The following OTOP3 variants were observed in gnomAD, a reference collection of about 807,000 sequenced individuals.
The protein encoded by OTOP3 is proton channel OTOP3.
Under a neutral mutation model 50.8 loss-of-function variants are expected in OTOP3, and 41 were observed. That is an observed-to-expected ratio of 0.81 (90% CI 0.63 to 1.05). The LOEUF (loss-of-function observed/expected upper bound fraction) is 1.05, where lower values mean the gene tolerates loss of function less well. OTOP3 is among the 50% of genes least tolerant of loss of function. OTOP3 has a pLI of 0.00. For synonymous variants in OTOP3, 320 were observed against 324.4 expected, an observed-to-expected ratio of 0.99 and a Z score of 0.14; for missense variants, 788 against 760.8, an observed-to-expected ratio of 1.04 and a Z score of -0.42.
At chr17:74,946,397 G>A (rs990104286) in intron 5 of OTOP3, among the ~76,000 whole-genome samples, 2 of 152,244 alleles carry the variant, frequency 1.3e-5, no homozygotes, top group Non-Finnish European at 1.5e-5. Flanking sequence ...ACAGGCATGA[G>A]CCACTGCGCC....
chr17:74,945,061 C>T (rs1055771342), intron 5 of OTOP3, among the ~76,000 whole-genome samples: 2 of 152,114 alleles, frequency 1.3e-5, no homozygotes, highest in Non-Finnish European at 2.9e-5. Flanking sequence ...GATCCTCCCA[C>T]CTCAGCCTCC....
Position 74,946,924 on chromosome 17 carries a change from C to T in OTOP3, c.1015C>T (p.Leu339Phe). 6 of 1,612,610 alleles carry T rather than the reference C, an allele frequency of 3.7e-6. No individual in the cohort carries two copies. The highest frequency in any genetic ancestry group is 4.2e-6 in the Non-Finnish European group (5 of 1,179,950). Residue 339 changes from leucine to phenylalanine, a missense_variant, in exon 6 of 7, where the codon CTC becomes TTC. Physicochemically the swap from Leu to Phe is conservative, Grantham distance 22 (BLOSUM62 0). Coordinates refer to ENST00000328801, the MANE Select transcript of OTOP3 (RefSeq NM_001272005.2). ...GCTGGCAGGTGTGTGCGTCTTTGTG[C>T]TCTTCCAAATCGAGGCCAGTGGCCC... ...VLLAGVCVFV[L>F]FQIEASGPAI... is the part of the protein sequence containing the mutation.
rs62086321 is a variant in OTOP3, at chr17:74,942,013, C to G, written c.549C>G (p.Ile183Met). 356 of 1,612,322 alleles carry G rather than the reference C, an allele frequency of 2.2e-4. No individual in the cohort carries two copies. Among genetic ancestry groups the G allele is most frequent in the Non-Finnish European group, 2.9e-4 (340 of 1,179,074 alleles). The change falls in exon 3 of 7, where the codon ATC becomes ATG. Residue 183 changes from isoleucine to methionine, a missense_variant. Ile to Met is a conservative substitution (Grantham distance 10). Coordinates refer to ENST00000328801, the MANE Select transcript of OTOP3 (RefSeq NM_001272005.2). ...AGCTGGACCTTGTCTTCTCTGTCAT[C>G]GAGATGGTCTTCATCGGCGTCCAGG... ...KSQLDLVFSV[I>M]EMVFIGVQTW...
chr17:74,936,334 G>A (rs973403689), intron 1 of OTOP3, among the ~76,000 whole-genome samples: 3 of 152,124 alleles, frequency 2.0e-5, no homozygotes, highest in Admixed American at 6.5e-5. Flanking sequence ...AGGAAATCCC[G>A]AGGGCGCCCG....
rs138959264 is a variant in OTOP3 at position 74,939,495 on chromosome 17, C to T, written c.20-1898C>T. Among the ~76,000 whole-genome samples, 122 of 152,218 alleles carry T rather than the reference C, an allele frequency of 8.0e-4. 1 individual carries two copies. The highest frequency in any genetic ancestry group is 2.9e-3 in the African/African-American group (119 of 41,534). On this transcript the variant is annotated intron_variant, in intron 1 of 6. Transcript: ENST00000328801. The stretch of plus-strand genomic sequence containing the variant: ...AGGAGAGCACCCAGAAGCAGCAGAA[C>T]CATCCCCACTCTCAACAGCACCTCA...
At chr17:74,936,828 A>G (rs1023752788) in intron 1 of OTOP3, among the ~76,000 whole-genome samples, 1 of 152,132 alleles carries the variant, frequency 6.6e-6, no homozygotes, top group Non-Finnish European at 1.5e-5. Context: ...CTGGAAGGAA[A>G]TGCAGAGATA....
At position 74,943,657 on chromosome 17, in the gene OTOP3, C is replaced by G; in HGVS notation, c.684C>G (p.Ala228=). ...CAAACCTGCTGCTGTGGGTTCTGGC[C>G]GTTACCAATGACTCCATGCACCGAG... The part of the protein sequence containing the change: ...LATNLLLWVL[A]VTNDSMHREI... The change falls in exon 5 of 7, where the codon GCC becomes GCG. Residue 228 remains alanine, a synonymous_variant. Coordinates refer to ENST00000328801, the MANE Select transcript of OTOP3 (RefSeq NM_001272005.2). The G allele has an allele frequency of 3.1e-6, 5 of 1,613,192 alleles. No homozygotes were observed. Among genetic ancestry groups the G allele is most frequent in the Non-Finnish European group, 4.2e-6 (5 of 1,179,962 alleles).
Position 74,941,694 on chromosome 17 carries a change from G to A in OTOP3, c.321G>A (p.Leu107=). ...CTCTGGGTGACGTGTGGATCCTGCT[G>A]GCCACGCTGAAGGTCCTCTCCCTGC... ...AVTLGDVWIL[L]ATLKVLSLLW... The change falls in exon 2 of 7, where the codon CTG becomes CTA. Residue 107 remains leucine, a synonymous_variant. Transcript: ENST00000328801. The A allele has an allele frequency of 6.2e-7, 1 of 1,614,154 alleles. No homozygotes were observed. The highest frequency in any genetic ancestry group is 8.5e-7 in the Non-Finnish European group (1 of 1,180,028).
chr17:74,936,500 G>A (rs973434745), intron 1 of OTOP3, among the ~76,000 whole-genome samples: 2 of 152,192 alleles, frequency 1.3e-5, no homozygotes, highest in African/African-American at 4.8e-5. Flanking sequence ...GGGCGTGCCA[G>A]GGGGCGGCAG....
At chr17:74,938,529 T>C (rs1471372343) in intron 1 of OTOP3, among the ~76,000 whole-genome samples, 1 of 151,814 alleles carries the variant, frequency 6.6e-6, no homozygotes, top group Non-Finnish European at 1.5e-5. Flanking sequence ...AAGAATAGGG[T>C]GTGGGCAAAG....
In OTOP3 at chr17:74,943,259, C is replaced by T. The variant is rs780927413; in HGVS notation, c.574-27C>T. On this transcript the variant is annotated intron_variant, in intron 3 of 6. Coordinates refer to ENST00000328801, the MANE Select transcript of OTOP3 (RefSeq NM_001272005.2). The stretch of plus-strand genomic sequence containing the variant: ...GTGGTCCCACCACCTCCACCAGCCC[C>T]TGGGCTCAAGGCCCTGTCTCTTTCA... 40 of 1,613,114 alleles carry T rather than the reference C, an allele frequency of 2.5e-5. No individual in the cohort carries two copies. In the South Asian group the frequency reaches 3.2e-4, roughly 13 times the overall value.
intron 1 of OTOP3, among the ~76,000 whole-genome samples, chr17:74,937,689 CAG>C (rs1442201521): frequency 2.0e-5 from 3 of 152,100 alleles, no homozygotes; most frequent in African/African-American, 7.2e-5. Flanking sequence ...CAAAAGATGC[CAG>C]AGTCAGTGGG....
chr17:74,939,270 A>G (rs1386920963), intron 1 of OTOP3, among the ~76,000 whole-genome samples: 7 of 152,200 alleles, frequency 4.6e-5, no homozygotes, highest in Non-Finnish European at 4.4e-5. Flanking sequence ...AGAGGCAAAA[A>G]GGACACCCAG....
At chr17:74,945,259 T>C (rs2039214625) in intron 5 of OTOP3, among the ~76,000 whole-genome samples, 1 of 152,200 alleles carries the variant, frequency 6.6e-6, no homozygotes, top group Admixed American at 6.5e-5. Context: ...CCGGACCCAG[T>C]GTACATCTCT....
chr17:74,935,815 C>T (rs2039108004), upstream of OTOP3: 6 of 1,515,766 alleles, frequency 4.0e-6, no homozygotes, highest in South Asian at 1.2e-5. Context: ...GGCCGCGGAG[C>T]CCGAGCGGCG....
chr17:74,945,208 A>C (rs1379739949), intron 5 of OTOP3, among the ~76,000 whole-genome samples: 2 of 152,208 alleles, frequency 1.3e-5, no homozygotes, highest in African/African-American at 2.4e-5. Flanking sequence ...CTCCCTCCTC[A>C]GCTTCCCAAA....
rs190208249 is a variant in OTOP3 at position 74,943,512 on chromosome 17, G to T, written c.633-94G>T. 614 of 1,385,704 alleles carry T rather than the reference G, an allele frequency of 4.4e-4. 3 individuals carry two copies. The African/African-American group carries it at 7.4e-3, about 17-fold the overall frequency. 85.8% of individuals were successfully genotyped at this position (1,385,704 alleles called of 1,614,324 possible). ...GTGACACTAGGGAGTGAGTGGTTGG[G>T]AGTGAGTGGTTGCCCCAACAACAGT... On this transcript the variant is annotated intron_variant, in intron 4 of 6. Coordinates refer to ENST00000328801, the MANE Select transcript of OTOP3 (RefSeq NM_001272005.2).
In OTOP3 at chr17:74,946,790, G is replaced by A; in HGVS notation, c.881G>A (p.Trp294Ter). The A allele has an allele frequency of 1.2e-6, 2 of 1,612,470 alleles. No individual in the cohort carries two copies. Among genetic ancestry groups the A allele is most frequent in the Non-Finnish European group, 1.7e-6 (2 of 1,180,024 alleles). The part of the protein sequence containing the change: ...LICCAVLFVM[W>*]KNVGRHVAPH... ...TGCTGTGCTGTGCTGTTTGTCATGT[G>A]GAAGAACGTGGGCCGCCACGTGGCA... Residue 294 changes from tryptophan (W) to a stop codon, truncating the protein, a stop_gained, in exon 6 of 7, where the codon TGG (tryptophan) becomes TAG (stop). Coordinates refer to ENST00000328801, the MANE Select transcript of OTOP3 (RefSeq NM_001272005.2). LOFTEE classifies it high-confidence loss of function.
intron 1 of OTOP3, 147 bp from the exon 2 acceptor site, chr17:74,941,245 TG>T: frequency 2.5e-6 from 2 of 787,348 alleles, no homozygotes; most frequent in Non-Finnish European, 1.9e-6. Flanking sequence ...GTAAGATAGA[TG>T]GGGCAGCTGC....
Sources: allele counts gnomAD v4.1 joint callset (sites outside exome capture counted in the v4.1 genomes callset), GRCh38; gene constraint gnomAD v4.1.1; transcripts MANE v1.5; gene names NCBI Gene and HGNC (gene_info 2026-07-23, HGNC 2026-07-21).